The following RREB1 variants were observed in gnomAD, a reference collection of about 807,000 sequenced individuals.
The protein encoded by RREB1 is ras-responsive element-binding protein 1.
RREB1 carries 27 observed loss-of-function variants against 117.8 expected under a neutral mutation model. The ratio of observed to expected loss-of-function variants is 0.23; its 90% CI spans 0.17 to 0.32. The LOEUF is 0.32. Ranked by LOEUF, RREB1 falls within the 10% of genes least tolerant of loss-of-function variation. The pLI is 1.00. For synonymous variants in RREB1, 1,298 were observed against 1,026.7 expected (o/e 1.26, Z -5.05); for missense variants, 2,577 against 2,378.2 (o/e 1.08, Z -1.74).
intron 6 of RREB1, among the ~76,000 whole-genome samples, chr6:7,198,792 T>TA (rs201666174): frequency 1.2e-4 from 18 of 151,426 alleles, no homozygotes; most frequent in East Asian, 7.7e-4. Flanking sequence ...TCAACCAGAT[T>TA]AAAAAAAAAT....
intron 10 of RREB1, among the ~76,000 whole-genome samples, chr6:7,236,713 A>G (rs1768341877): frequency 1.3e-5 from 2 of 151,630 alleles, no homozygotes; most frequent in South Asian, 4.2e-4. Context: ...TGAAAAATGA[A>G]CAGAAATGTT....
At chr6:7,209,572 CTTTT>C (rs397961662) in intron 6 of RREB1, among the ~76,000 whole-genome samples, 6 of 129,306 alleles carry the variant, frequency 4.6e-5, no homozygotes, top group African/African-American at 1.2e-4. Flanking sequence ...TATTTCTTTC[CTTTT>C]TTTTTTTTTT....
chr6:7,245,596 T>C (rs1768954965), intron 11 of RREB1, among the ~76,000 whole-genome samples: 1 of 152,186 alleles, frequency 6.6e-6, no homozygotes, highest in South Asian at 2.1e-4. Context: ...TGAAAACTGA[T>C]AGGCTTTCCA....
At chr6:7,160,580 G>T (rs1416828340) in intron 1 of RREB1, among the ~76,000 whole-genome samples, 2 of 152,092 alleles carry the variant, frequency 1.3e-5, no homozygotes, top group Non-Finnish European at 2.9e-5. Flanking sequence ...TGTGATCACC[G>T]CTCACTGCAG....
intron 1 of RREB1, chr6:7,140,901 C>T (rs1762538748): frequency 6.6e-6 from 1 of 152,212 alleles, no homozygotes; most frequent in African/African-American, 2.4e-5. Flanking sequence ...CCCGGACGGC[C>T]TTTTCACCCT....
chr6:7,155,709 A>T (rs1763333506), intron 1 of RREB1, among the ~76,000 whole-genome samples: 1 of 152,248 alleles, frequency 6.6e-6, no homozygotes. Flanking sequence ...ATAGAGTTAG[A>T]TGTGATTTAA....
chr6:7,165,106 T>C (rs572371767), intron 1 of RREB1, among the ~76,000 whole-genome samples: 2 of 152,222 alleles, frequency 1.3e-5, no homozygotes, highest in African/African-American at 4.8e-5. Context: ...AGGAGTGCTA[T>C]CCGTTGGACT....
Position 7,150,656 on chromosome 6 carries a change from G to T in RREB1, c.-284-25999G>T, listed in dbSNP as rs113516682. On this transcript the variant is annotated intron_variant, in intron 1 of 12. Transcript: ENST00000379938. ...TCGTTGTCTGACTGTTAGATGCTCA[G>T]GGCAGATGGAAAAGTAAGAAAAACC... 5.2e-4 allele frequency among the ~76,000 whole-genome samples: 79 copies of T among 152,332 alleles called. 1 individual carries two copies. Among genetic ancestry groups the T allele is most frequent in the Non-Finnish European group, 6.0e-4 (41 of 68,032 alleles).
intron 1 of RREB1, among the ~76,000 whole-genome samples, chr6:7,154,218 C>T (rs1466589159): frequency 3.9e-5 from 6 of 152,210 alleles, no homozygotes; most frequent in African/African-American, 1.4e-4. Context: ...CACTTTGGTT[C>T]TCAAAGTGTG....
chr6:7,152,096 G>A (rs1326730278), intron 1 of RREB1, among the ~76,000 whole-genome samples: 3 of 152,168 alleles, frequency 2.0e-5, no homozygotes, highest in Non-Finnish European at 4.4e-5. Context: ...TAAATAATAG[G>A]GAGTTCTGGG....
chr6:7,192,228 T>C (rs2113563410), intron 6 of RREB1, among the ~76,000 whole-genome samples: 1 of 151,598 alleles, frequency 6.6e-6, no homozygotes, highest in East Asian at 2.0e-4. Context: ...AGTCTCATTC[T>C]TTCACCCAGG....
At chr6:7,120,367 T>C (rs2113311139) in intron 1 of RREB1, among the ~76,000 whole-genome samples, 1 of 152,030 alleles carries the variant, frequency 6.6e-6, no homozygotes, top group Non-Finnish European at 1.5e-5. Flanking sequence ...GGTGGGAGGA[T>C]CACTTGAACC....
intron 1 of RREB1, among the ~76,000 whole-genome samples, chr6:7,128,200 C>T (rs1375209467): frequency 6.6e-6 from 1 of 152,172 alleles, no homozygotes; most frequent in Admixed American, 6.5e-5. Context: ...ACACATACCT[C>T]AATCATTTCC....
chr6:7,187,438 C>A lies in RREB1; in HGVS notation c.176C>A (p.Thr59Lys). The A allele has an allele frequency of 6.3e-7, 1 of 1,591,618 alleles. No individual in the cohort carries two copies. Among genetic ancestry groups the A allele is most frequent in the Non-Finnish European group, 8.6e-7 (1 of 1,162,466 alleles). ...PNRIGRRNQETKEEKSSYNCP... is the reference protein window; with the variant it reads ...PNRIGRRNQEKKEEKSSYNCP... ...CCTTTTAATCTTTCTTTTTAGGAAACGAAAGAGGAGAAGTCTTCCTATAAC... is the reference window on the plus strand; with the variant it reads ...CCTTTTAATCTTTCTTTTTAGGAAAAGAAAGAGGAGAAGTCTTCCTATAAC... The change falls in exon 5 of 13, where the codon ACG (threonine) becomes AAG (lysine). Residue 59 changes from threonine to lysine, a missense_variant. Coordinates refer to ENST00000379938, the MANE Select transcript of RREB1 (RefSeq NM_001003699.4).
In RREB1 at chr6:7,231,212, G is replaced by A; in HGVS notation, c.3113G>A (p.Gly1038Asp). The change falls in exon 10 of 13, where the codon GGC becomes GAC. Residue 1038 changes from glycine to aspartate, a missense_variant. Physicochemically the swap from Gly to Asp is moderately conservative, Grantham distance 94. Transcript: ENST00000379938. Reference sequence around the variant, plus strand: ...GTGGGCAGCTCAGCCCTCCTGAGTGGCACAGCCTTGCTGCGTCCACTGCGG... The same window carrying A: ...GTGGGCAGCTCAGCCCTCCTGAGTGACACAGCCTTGCTGCGTCCACTGCGG... ...PLVGSSALLSGTALLRPLRPK... is the reference protein window; with the variant it reads ...PLVGSSALLSDTALLRPLRPK... The A allele has an allele frequency of 6.2e-7, 1 of 1,612,168 alleles. No individual in the cohort carries two copies. The highest frequency in any genetic ancestry group is 1.7e-5 in the Admixed American group (1 of 60,018).
intron 1 of RREB1, among the ~76,000 whole-genome samples, chr6:7,131,126 G>T (rs1206874297): frequency 1.3e-5 from 2 of 148,582 alleles, no homozygotes; most frequent in Non-Finnish European, 3.0e-5. Context: ...TTTTAGTAGA[G>T]ACGGGGTTTC....
chr6:7,248,192 C>T (rs372033635), intron 12 of RREB1, among the ~76,000 whole-genome samples: 27 of 152,368 alleles, frequency 1.8e-4, no homozygotes, highest in African/African-American at 6.3e-4. Context: ...CTCTAGATTC[C>T]TTCCCAGTCT....
intron 11 of RREB1, among the ~76,000 whole-genome samples, chr6:7,245,070 A>G (rs1244114265): frequency 6.6e-6 from 1 of 152,212 alleles, no homozygotes; most frequent in African/African-American, 2.4e-5. Context: ...CATCCACCCA[A>G]TTATCAGAGG....
At chr6:7,197,788 C>A (rs981308622) in intron 6 of RREB1, among the ~76,000 whole-genome samples, 4 of 152,144 alleles carry the variant, frequency 2.6e-5, no homozygotes, top group Admixed American at 2.6e-4. Context: ...GAGACATAGG[C>A]CCTGAGGATG....
Sources: gnomAD v4.1 joint callset for allele counts (sites outside exome capture counted in the v4.1 genomes callset) on GRCh38, gnomAD v4.1.1 for gene constraint, MANE v1.5 for transcripts, NCBI Gene and HGNC (gene_info 2026-07-23, HGNC 2026-07-21) for gene names.